The following TSPAN5 variants were observed in gnomAD, a reference collection of about 807,000 sequenced individuals.
TSPAN5 encodes tetraspanin-5.
A neutral mutation model predicts 37.1 loss-of-function variants in TSPAN5; 10 were observed. That is an observed-to-expected ratio of 0.27 (90% confidence interval 0.17 to 0.46). The LOEUF (loss-of-function observed/expected upper bound fraction) is 0.46, where lower values mean the gene tolerates loss of function less well. Ranked by LOEUF, TSPAN5 falls within the 20% of genes least tolerant of loss-of-function variation. The pLI is 1.00. For synonymous variants in TSPAN5, 110 were observed against 118.9 expected, an observed-to-expected ratio of 0.93 and a Z score of 0.48; for missense variants, 195 against 326.6, an observed-to-expected ratio of 0.60 and a Z score of 3.11.
chr4:98,655,504 G>A (rs1418517021), intron 1 of TSPAN5, among the ~76,000 whole-genome samples: 2 of 152,334 alleles, frequency 1.3e-5, no homozygotes, highest in East Asian at 3.9e-4. Flanking sequence ...CTCAGTGCTG[G>A]TGCCACCATA....
At chr4:98,574,811 A>G (rs936565559) in intron 1 of TSPAN5, 7 of 152,378 alleles carry the variant, frequency 4.6e-5, no homozygotes, top group African/African-American at 1.7e-4. Context: ...TGGCAACATT[A>G]CTGAAGAAGT....
chr4:98,542,006 CAT>C (rs367949228), intron 1 of TSPAN5, among the ~76,000 whole-genome samples: 3 of 152,216 alleles, frequency 2.0e-5, no homozygotes, highest in African/African-American at 7.2e-5. Flanking sequence ...CTTCGCAAAA[CAT>C]ATTGTCTAAA....
At chr4:98,618,280 G>A (rs1756392267) in intron 1 of TSPAN5, among the ~76,000 whole-genome samples, 2 of 150,894 alleles carry the variant, frequency 1.3e-5, no homozygotes, top group Non-Finnish European at 2.9e-5. Context: ...AAAGTCACCA[G>A]TATAAAACAA....
intron 2 of TSPAN5, among the ~76,000 whole-genome samples, chr4:98,501,832 C>A (rs1753357920): frequency 6.6e-6 from 1 of 152,206 alleles, no homozygotes; most frequent in Non-Finnish European, 1.5e-5. Context: ...GTAAAAGGAT[C>A]TGTCTTACAT....
At chr4:98,639,577 T>C (rs1303093368) in intron 1 of TSPAN5, among the ~76,000 whole-genome samples, 1 of 151,328 alleles carries the variant, frequency 6.6e-6, no homozygotes, top group Admixed American at 6.6e-5. Flanking sequence ...CCACCTCAGC[T>C]TCTCAAAGTG....
chr4:98,523,511 T>G (rs538349288), intron 1 of TSPAN5, among the ~76,000 whole-genome samples: 32 of 152,314 alleles, frequency 2.1e-4, no homozygotes, highest in African/African-American at 7.2e-4. Context: ...CTCGGCTCAC[T>G]GCAACCTCTG....
intron 1 of TSPAN5, among the ~76,000 whole-genome samples, chr4:98,592,920 C>A (rs1364465727): frequency 4.9e-5 from 7 of 142,366 alleles, no homozygotes; most frequent in Non-Finnish European, 1.1e-4. Context: ...GTCTTTATAG[C>A]AGCATGATTT....
chr4:98,516,892 T>C (rs59548155), intron 1 of TSPAN5, among the ~76,000 whole-genome samples: 3,712 of 152,304 alleles, frequency 0.024, 153 homozygotes, highest in African/African-American at 0.083. Flanking sequence ...TTTGTGCATC[T>C]CACCATGTTA....
At chr4:98,612,933 C>A (rs1377426703) in intron 1 of TSPAN5, among the ~76,000 whole-genome samples, 1 of 152,178 alleles carries the variant, frequency 6.6e-6, no homozygotes, top group African/African-American at 2.4e-5. Context: ...AGTCTCTTAC[C>A]CCGTGTTTTA....
intron 1 of TSPAN5, among the ~76,000 whole-genome samples, chr4:98,511,607 A>G (rs1270239671): frequency 6.6e-6 from 1 of 152,238 alleles, no homozygotes; most frequent in Non-Finnish European, 1.5e-5. Context: ...CTACTGTTTC[A>G]AACTGAGCTG....
chr4:98,557,660 TCC>T, intron 1 of TSPAN5, among the ~76,000 whole-genome samples: 1 of 152,304 alleles, frequency 6.6e-6, no homozygotes, highest in East Asian at 1.9e-4. Context: ...GTGGCCTCCT[TCC>T]AAAGGAGGTG....
chr4:98,481,645 G>A (rs1419223427), intron 4 of TSPAN5, among the ~76,000 whole-genome samples: 1 of 152,164 alleles, frequency 6.6e-6, no homozygotes, highest in Non-Finnish European at 1.5e-5. Flanking sequence ...AAGGGGGCAA[G>A]GGATAAGAAA....
chr4:98,485,762 CT>C (rs766494512), intron 3 of TSPAN5, among the ~76,000 whole-genome samples: 6,831 of 86,570 alleles, frequency 0.079, 210 homozygotes, highest in Admixed American at 0.13. Context: ...CTTGGATATG[CT>C]TTTTTTTTTT....
At chr4:98,548,046 A>C (rs846005) in intron 1 of TSPAN5, among the ~76,000 whole-genome samples, 1 of 142,832 alleles carries the variant, frequency 7.0e-6, no homozygotes, top group African/African-American at 2.6e-5. Flanking sequence ...AAAAGAAAAA[A>C]ACACAAAAGC....
At chr4:98,513,749 C>A (rs1753665058) in intron 1 of TSPAN5, among the ~76,000 whole-genome samples, 1 of 151,960 alleles carries the variant, frequency 6.6e-6, no homozygotes, top group Non-Finnish European at 1.5e-5. Flanking sequence ...ATTTTGGCTG[C>A]TATCTGAATT....
chr4:98,498,833 G>T (rs1003745222), intron 2 of TSPAN5, among the ~76,000 whole-genome samples: 6 of 152,312 alleles, frequency 3.9e-5, no homozygotes, highest in Admixed American at 3.9e-4. Flanking sequence ...AGAGAGAAGG[G>T]CCGGCTGGCT....
At chr4:98,647,913 G>T (rs1343758220) in intron 1 of TSPAN5, among the ~76,000 whole-genome samples, 1 of 150,600 alleles carries the variant, frequency 6.6e-6, no homozygotes, top group African/African-American at 2.4e-5. Flanking sequence ...ACAGCTCAGA[G>T]AAATAATACA....
chr4:98,577,741 C>T (rs1035248369), intron 1 of TSPAN5, among the ~76,000 whole-genome samples: 1 of 152,206 alleles, frequency 6.6e-6, no homozygotes, highest in African/African-American at 2.4e-5. Flanking sequence ...AGCCCAAATC[C>T]AGTTCTGCTA....
chr4:98,477,802 G>T (rs918576488), intron 5 of TSPAN5, among the ~76,000 whole-genome samples: 1 of 151,812 alleles, frequency 6.6e-6, no homozygotes, highest in Non-Finnish European at 1.5e-5. Context: ...GGGACCACGG[G>T]TGTGTGCCAC....
Sources: allele counts gnomAD v4.1 joint callset (sites outside exome capture counted in the v4.1 genomes callset), GRCh38; gene constraint gnomAD v4.1.1; transcripts MANE v1.5; gene names NCBI Gene and HGNC (gene_info 2026-07-23, HGNC 2026-07-21).